SLC7A10: variants seen among roughly 807,000 people sequenced by gnomAD.
SLC7A10 encodes solute carrier family 7 member 10.
Under a neutral mutation model 52.7 loss-of-function variants are expected in SLC7A10, and 30 were observed. The observed-to-expected ratio is 0.57, with a 90% confidence interval of 0.43 to 0.77. SLC7A10 has a LOEUF of 0.77. SLC7A10 is among the 30% of genes least tolerant of loss of function. The pLI, the probability that SLC7A10 is intolerant of heterozygous loss-of-function variation, is 0.00. For synonymous variants in SLC7A10, 318 were observed against 314.9 expected, an observed-to-expected ratio of 1.01 and a Z score of -0.10; for missense variants, 581 against 698.5, an observed-to-expected ratio of 0.83 and a Z score of 1.90.
chr19:33,213,063 C>T, intron 2 of SLC7A10, 61 bp from the exon 3 acceptor site: 1 of 1,550,562 alleles, frequency 6.4e-7, no homozygotes, highest in East Asian at 2.4e-5. Context: ...GCCAACCTGG[C>T]CCTGATGTGT....
intron 2 of SLC7A10, 139 bp downstream of exon 2, chr19:33,215,618 TTCTCTCCATCCA>T: frequency 9.4e-6 from 2 of 212,664 alleles, no homozygotes; most frequent in South Asian, 1.0e-4. Context: ...CCCCCACACC[TTCTCTCCATCCA>T]CCCCCCACAC....
Position 33,210,794 on chromosome 19 carries a change from C to A in SLC7A10, c.1113+8G>T. The stretch of plus-strand genomic sequence containing the variant: ...CACGCCCTGCCTGGCCCAGGTCCCC[C>A]AACTTACACAGACGAGGAGGGCGGG... On this transcript the variant is annotated splice_region_variant and intron_variant, in intron 8 of 10. Transcript: ENST00000253188. This position sits in a 1 kb window ranked among gnomAD's most constrained non-coding sequence, Gnocchi z 5.6. The A allele has an allele frequency of 6.2e-7, 1 of 1,613,374 alleles. No individual in the cohort carries two copies. The highest frequency in any genetic ancestry group is 8.5e-7 in the Non-Finnish European group (1 of 1,179,970).
chr19:33,217,175 C>T (rs925440073), intron 1 of SLC7A10, among the ~76,000 whole-genome samples: 2 of 151,550 alleles, frequency 1.3e-5, no homozygotes, highest in Non-Finnish European at 2.9e-5. Flanking sequence ...CCACACCCGG[C>T]TAATCAAAAA....
chr19:33,224,482 G>A (rs1974880648), intron 1 of SLC7A10, among the ~76,000 whole-genome samples: 1 of 152,134 alleles, frequency 6.6e-6, no homozygotes, highest in African/African-American at 2.4e-5. Flanking sequence ...GAGAGGACGA[G>A]GTGAAGACCC....
chr19:33,211,417 AG>A lies in SLC7A10; in HGVS notation c.908del (p.Ala303ValfsTer2). 6.2e-7 allele frequency: 1 copy of A among 1,613,924 alleles called. No individual in the cohort carries two copies. The highest frequency in any genetic ancestry group is 8.5e-7 in the Non-Finnish European group (1 of 1,179,946). On this transcript the variant is annotated frameshift_variant, in exon 6 of 11. Transcript: ENST00000253188. LOFTEE classifies it high-confidence loss of function. ...PQELLSSNAVAVTFGEKLLGY... is the reference protein window; with the variant it reads ...PQELLSSNAVXVTFGEKLLGY... ...GACCGAGCAGGGGCCCACTCACCACAGCCACCGCATTGGAGGAGAGCAGCTC... is the reference window on the plus strand; with the variant it reads ...GACCGAGCAGGGGCCCACTCACCACACCACCGCATTGGAGGAGAGCAGCTC...
intron 9 of SLC7A10, among the ~76,000 whole-genome samples, chr19:33,209,836 G>A (rs1240430298): frequency 6.6e-6 from 1 of 152,190 alleles, no homozygotes; most frequent in Non-Finnish European, 1.5e-5. Flanking sequence ...TACACACATG[G>A]GGGGCTTTGC....
In SLC7A10 at chr19:33,212,917, G is replaced by A. The variant is rs1038469127; in HGVS notation, c.442C>T (p.Gln148Ter). 1 of 1,614,216 alleles carries A rather than the reference G, an allele frequency of 6.2e-7. No homozygotes were observed. Among genetic ancestry groups the A allele is most frequent in the Non-Finnish European group, 8.5e-7 (1 of 1,180,046 alleles). The change falls in exon 3 of 11, where the codon CAG becomes TAG. Residue 148 changes from glutamine (Q) to a stop codon, truncating the protein, a stop_gained. Coordinates refer to ENST00000253188, the MANE Select transcript of SLC7A10 (RefSeq NM_019849.3). LOFTEE classifies it high-confidence loss of function. ...GGGATGCAGTTGGGGAACACGGGCTGCAGCACGTAGTTGGAGAAGGTCATG... is the reference window on the plus strand; with the variant it reads ...GGGATGCAGTTGGGGAACACGGGCTACAGCACGTAGTTGGAGAAGGTCATG... ...ISMTFSNYVL[Q>*]PVFPNCIPPT...
chr19:33,224,736 G>C (rs1199563095), intron 1 of SLC7A10, among the ~76,000 whole-genome samples: 1 of 152,208 alleles, frequency 6.6e-6, no homozygotes, highest in Non-Finnish European at 1.5e-5. Context: ...TTGGGACAGA[G>C]AGTGGAAAAA....
At chr19:33,214,282 C>T (rs903241897) in intron 2 of SLC7A10, among the ~76,000 whole-genome samples, 1 of 152,146 alleles carries the variant, frequency 6.6e-6, no homozygotes, top group African/African-American at 2.4e-5. Flanking sequence ...AGTTAAGGGT[C>T]CCCGGCCCAT....
chr19:33,215,981 G>A lies in SLC7A10; in HGVS notation c.152-8C>T, dbSNP rs1431861925. On this transcript the variant is annotated splice_region_variant and splice_polypyrimidine_tract_variant and intron_variant, in intron 1 of 10. Transcript: ENST00000253188. Reference sequence around the variant, plus strand: ...CCGAGCCGATGATGTTCCCTGCAGGGGGAGAGATGGGGAGGCATCAGGCCT... The same window carrying A: ...CCGAGCCGATGATGTTCCCTGCAGGAGGAGAGATGGGGAGGCATCAGGCCT... The A allele has an allele frequency of 1.3e-6, 2 of 1,569,922 alleles. No homozygotes were observed. The highest frequency in any genetic ancestry group is 1.8e-5 in the Admixed American group (1 of 57,084).
At chr19:33,215,669 C>G in intron 2 of SLC7A10, 100 bp downstream of exon 2, 1 of 1,270,172 alleles carries the variant, frequency 7.9e-7, no homozygotes, top group Non-Finnish European at 1.1e-6. Flanking sequence ...CACGACCTCC[C>G]TAGGAAGCCG....
intron 1 of SLC7A10, among the ~76,000 whole-genome samples, chr19:33,221,592 G>A (rs114455254): frequency 2.6e-5 from 4 of 152,126 alleles, no homozygotes; most frequent in South Asian, 2.1e-4. Context: ...TCAGGGCCCC[G>A]GTGAGGAGGG....
intron 1 of SLC7A10, among the ~76,000 whole-genome samples, chr19:33,223,359 A>G (rs569161021): frequency 1.3e-5 from 2 of 151,866 alleles, no homozygotes; most frequent in South Asian, 2.1e-4. Flanking sequence ...GAAAGGAAGC[A>G]GGACGTCAAG....
chr19:33,220,076 G>C (rs1414157032), intron 1 of SLC7A10: 1 of 152,210 alleles, frequency 6.6e-6, no homozygotes, highest in Non-Finnish European at 1.5e-5. Context: ...TCAAGCGCAC[G>C]GGTGTCCTCA....
intron 1 of SLC7A10, 121 bp from the exon 2 acceptor site, chr19:33,216,094 G>A (rs1407846139): frequency 3.4e-6 from 3 of 885,352 alleles, no homozygotes; most frequent in African/African-American, 1.7e-5. Context: ...GGAGGAGGAG[G>A]AGGCAGGAGG....
chr19:33,212,198 G>A (rs1396064360), intron 5 of SLC7A10, 94 bp downstream of exon 5: 8 of 1,531,444 alleles, frequency 5.2e-6, no homozygotes, highest in South Asian at 4.8e-5. Context: ...GGACCAGCCC[G>A]AGCCTTGGGT....
At chr19:33,215,159 T>A (rs1974641543) in intron 2 of SLC7A10, among the ~76,000 whole-genome samples, 3 of 151,018 alleles carry the variant, frequency 2.0e-5, no homozygotes, top group Admixed American at 1.3e-4. Context: ...TCCCAGCTAC[T>A]CGGGAGTCTG....
At chr19:33,219,931 T>C (rs961851800) in intron 1 of SLC7A10, 4 of 152,222 alleles carry the variant, frequency 2.6e-5, no homozygotes, top group African/African-American at 9.7e-5. Flanking sequence ...TGGGAAGTGC[T>C]TTTGGATCTC....
chr19:33,215,852 G>C lies in SLC7A10; in HGVS notation c.273C>G (p.Leu91=). 6.2e-7 allele frequency: 1 copy of C among 1,601,870 alleles called. No individual in the cohort carries two copies. Among genetic ancestry groups the C allele is most frequent in the South Asian group, 1.1e-5 (1 of 88,708 alleles). ...TGGCGACTCCCAGCTCTGCATAGCAGAGGGAGCCCAGAGCCGTCACGCCCC... is the reference window on the plus strand; with the variant it reads ...TGGCGACTCCCAGCTCTGCATAGCACAGGGAGCCCAGAGCCGTCACGCCCC... The part of the protein sequence containing the change: ...LGGGVTALGS[L]CYAELGVAIP... The change falls in exon 2 of 11, where the codon CTC becomes CTG. Residue 91 remains leucine (L), a synonymous_variant. Coordinates refer to ENST00000253188, the MANE Select transcript of SLC7A10 (RefSeq NM_019849.3).
Sources: gnomAD v4.1 joint callset for allele counts (sites outside exome capture counted in the v4.1 genomes callset) on GRCh38, gnomAD v4.1.1 for gene constraint, Gnocchi (gnomAD v3.1) non-coding constraint, MANE v1.5 for transcripts, NCBI Gene and HGNC (gene_info 2026-07-23, HGNC 2026-07-21) for gene names.